DYRK1A: variants seen among roughly 807,000 people sequenced by gnomAD.
DYRK1A encodes dual specificity tyrosine-phosphorylation-regulated kinase 1A.
DYRK1A carries 9 observed loss-of-function variants against 79.7 expected under a neutral mutation model. The observed-to-expected ratio is 0.11, with a 90% confidence interval of 0.07 to 0.20. DYRK1A has a LOEUF of 0.20. DYRK1A is among the 10% of genes least tolerant of loss of function. The probability of loss-of-function intolerance (pLI) is 1.00; values close to 1 mark genes in which losing one functional copy is unlikely to be tolerated. For missense variants in DYRK1A, 622 were observed against 956.0 expected (o/e 0.65, Z 4.61); for synonymous variants, 349 against 329.7 (o/e 1.06, Z -0.63).
intron 2 of DYRK1A, among the ~76,000 whole-genome samples, chr21:37,461,460 C>T (rs1353558773): frequency 6.6e-6 from 1 of 152,138 alleles, no homozygotes; most frequent in Non-Finnish European, 1.5e-5. Context: ...TATCTACATA[C>T]ATATTTACAT....
chr21:37,483,740 G>A (rs1225562183), intron 5 of DYRK1A, among the ~76,000 whole-genome samples: 3 of 151,984 alleles, frequency 2.0e-5, no homozygotes, highest in African/African-American at 7.2e-5. Context: ...GTGCCACCAT[G>A]CCTGGCTAAT....
At chr21:37,466,348 CTT>C (rs566485741) in intron 2 of DYRK1A, among the ~76,000 whole-genome samples, 96 of 152,088 alleles carry the variant, frequency 6.3e-4, no homozygotes, top group African/African-American at 2.3e-3. Flanking sequence ...GATGCATAAT[CTT>C]TTGTAATATT....
intron 2 of DYRK1A, chr21:37,464,366 T>C: frequency 4.6e-6 from 2 of 438,052 alleles, no homozygotes; most frequent in South Asian, 3.4e-5. Context: ...GCTTCATTTT[T>C]CTTTTAGTAA....
intron 6 of DYRK1A, among the ~76,000 whole-genome samples, chr21:37,489,971 T>G (rs1279742986): frequency 6.6e-6 from 1 of 152,198 alleles, no homozygotes; most frequent in East Asian, 1.9e-4. Context: ...CGACATATGC[T>G]GTACCTGTTT....
chr21:37,446,577 A>C (rs968228066), intron 2 of DYRK1A, among the ~76,000 whole-genome samples: 1 of 144,580 alleles, frequency 6.9e-6, no homozygotes, highest in Non-Finnish European at 1.5e-5. Flanking sequence ...GCAGGTTTGA[A>C]ATTCTTTTTT....
At position 37,367,550 on chromosome 21, in the gene DYRK1A, CCGCGGCGGGAG is replaced by C. The variant is rs1186987747; in HGVS notation, c.-147_-137del. On this transcript the variant is annotated 5_prime_UTR_variant, in exon 1 of 12. Transcript: ENST00000647188. ...GCCGGGGCGGCGCTGGCTGCGGAGG[CCGCGGCGGGAG>C]CGCGGCGCGGGAGCCCGAGGCTGAG... 2.7e-5 allele frequency: 4 copies of C among 147,142 alleles called. No homozygotes were observed. Among genetic ancestry groups the C allele is most frequent in the Non-Finnish European group, 6.0e-5 (4 of 66,324 alleles). 9.1% of individuals were successfully genotyped at this position (147,142 alleles called of 1,614,324 possible).
Position 37,405,942 on chromosome 21 carries a change from G to A in DYRK1A, c.-76-14357G>A, listed in dbSNP as rs1284074485. Among the ~76,000 whole-genome samples, 4 of 151,784 alleles carry A rather than the reference G, an allele frequency of 2.6e-5. No individual in the cohort carries two copies. In the East Asian group the frequency reaches 7.7e-4, roughly 29 times the overall value. On this transcript the variant is annotated intron_variant, in intron 1 of 11. Transcript: ENST00000647188. ...AGTTATGTAAACTTGTTTCTCAGTT[G>A]TATCAATAGGCGTAAATAAGTTCTC...
intron 2 of DYRK1A, among the ~76,000 whole-genome samples, chr21:37,452,873 G>A (rs1439474870): frequency 2.7e-5 from 4 of 150,616 alleles, no homozygotes; most frequent in East Asian, 2.0e-4. Context: ...TGTTAAGAGC[G>A]TTGTCTGGAA....
intron 2 of DYRK1A, among the ~76,000 whole-genome samples, chr21:37,427,159 G>C (rs189671917): frequency 3.5e-4 from 54 of 152,272 alleles, no homozygotes; most frequent in Non-Finnish European, 6.0e-4. Context: ...GCCTAAGCTG[G>C]AATGCCATGT....
chr21:37,420,752 G>A (rs1300071169), intron 2 of DYRK1A, among the ~76,000 whole-genome samples: 1 of 152,018 alleles, frequency 6.6e-6, no homozygotes, highest in East Asian at 1.9e-4. Flanking sequence ...GGGAGTAGAT[G>A]TTAGTAGGAT....
chr21:37,412,329 A>G (rs2050259888), intron 1 of DYRK1A, among the ~76,000 whole-genome samples: 1 of 152,250 alleles, frequency 6.6e-6, no homozygotes, highest in Non-Finnish European at 1.5e-5. Flanking sequence ...TCTGTGTCTC[A>G]GAAAAGTATG....
chr21:37,420,990 A>G lies in DYRK1A; in HGVS notation c.10+606A>G, dbSNP rs117974892. On this transcript the variant is annotated intron_variant, in intron 2 of 11. Coordinates refer to ENST00000647188, the MANE Select transcript of DYRK1A (RefSeq NM_001347721.2). ...ATATTTTTTGATTGCTCTATAATTA[A>G]TTGAGGTGATCTTTTACATGGGAAA... Among the ~76,000 whole-genome samples the G allele has an allele frequency of 5.1e-4, 77 of 152,192 alleles. 1 individual carries two copies. In the East Asian group the frequency reaches 7.5e-3, roughly 15 times the overall value.
intron 2 of DYRK1A, among the ~76,000 whole-genome samples, chr21:37,466,793 G>A (rs985275676): frequency 6.6e-6 from 1 of 151,524 alleles, no homozygotes; most frequent in Non-Finnish European, 1.5e-5. Context: ...AACAAGATGA[G>A]ACCAAAATTT....
intron 2 of DYRK1A, among the ~76,000 whole-genome samples, chr21:37,462,889 T>C (rs1156759042): frequency 6.6e-6 from 1 of 152,170 alleles, no homozygotes; most frequent in Non-Finnish European, 1.5e-5. Flanking sequence ...AACGGTTATT[T>C]CGTATGTTTT....
At position 37,514,642 on chromosome 21, in the gene DYRK1A, T is replaced by G. The variant is rs1011093666; in HGVS notation, c.*2111T>G. On this transcript the variant is annotated 3_prime_UTR_variant, in exon 12 of 12. Transcript: ENST00000647188. ...TCGTTTTTATAAACTACAAAAACTT[T>G]TTGTTGTTTATCAGGAAATCCATAT... 1 of 152,636 alleles carries G rather than the reference T, an allele frequency of 6.6e-6. No homozygotes were observed. Among genetic ancestry groups the G allele is most frequent in the Admixed American group, 6.5e-5 (1 of 15,282 alleles). The allele number at this position is 152,636 out of a possible 1,614,324, so 9.5% of individuals were successfully genotyped here. A position where few individuals can be genotyped will look rare whatever the true frequency, so the allele number is the denominator to read the frequency against.
chr21:37,468,147 AC>A (rs1002452920), intron 2 of DYRK1A, among the ~76,000 whole-genome samples: 7 of 152,056 alleles, frequency 4.6e-5, no homozygotes, highest in Non-Finnish European at 7.4e-5. Context: ...GGTCTCTGTT[AC>A]CCAGGCTGGA....
At chr21:37,420,782 A>T (rs2050454008) in intron 2 of DYRK1A, among the ~76,000 whole-genome samples, 1 of 152,108 alleles carries the variant, frequency 6.6e-6, no homozygotes. Context: ...AAGACTGACA[A>T]GTTAAGGATA....
At chr21:37,409,608 T>C (rs1205234226) in intron 1 of DYRK1A, among the ~76,000 whole-genome samples, 1 of 152,224 alleles carries the variant, frequency 6.6e-6, no homozygotes, top group Non-Finnish European at 1.5e-5. Flanking sequence ...AGATGGAAGC[T>C]GAATTTCTTG....
chr21:37,508,550 G>A (rs1416651551), intron 11 of DYRK1A, among the ~76,000 whole-genome samples: 1 of 152,224 alleles, frequency 6.6e-6, no homozygotes, highest in Admixed American at 6.5e-5. Flanking sequence ...GCCTCCCAAA[G>A]TGTGGGGATT....
Sources: allele counts gnomAD v4.1 joint callset (sites outside exome capture counted in the v4.1 genomes callset), GRCh38; gene constraint gnomAD v4.1.1; transcripts MANE v1.5; gene names NCBI Gene and HGNC (gene_info 2026-07-23, HGNC 2026-07-21).